The following CAST variants were observed in gnomAD, a reference collection of about 807,000 sequenced individuals.
The protein encoded by CAST is calpastatin, also known as MIR583 host.
In CAST, 76 loss-of-function variants were observed where a neutral mutation model predicts 119.6. The observed-to-expected ratio is 0.64, with a 90% CI of 0.53 to 0.77. The LOEUF (loss-of-function observed/expected upper bound fraction) is 0.77. Ranked by LOEUF, CAST falls within the 30% of genes least tolerant of loss-of-function variation. The probability of loss-of-function intolerance (pLI) is 0.00; values close to 1 mark genes in which losing one functional copy is unlikely to be tolerated. For synonymous variants in CAST, 319 were observed against 331.6 expected, an observed-to-expected ratio of 0.96 and a Z score of 0.41; for missense variants, 953 against 946.5, an observed-to-expected ratio of 1.01 and a Z score of -0.09.
chr5:96,675,917 C>T (rs1394847030), intron 2 of CAST: 1 of 237,160 alleles, frequency 4.2e-6, no homozygotes, highest in African/African-American at 2.2e-5. Context: ...GAAGGGAAAA[C>T]AGTTGCTGTA....
the CAST span, among the ~76,000 whole-genome samples, chr5:96,404,884 A>T: frequency 7.5e-5 from 11 of 146,134 alleles, no homozygotes; most frequent in Non-Finnish European, 1.6e-4. Context: ...ATTGTATATA[A>T]AGAGGCCAGC....
chr5:96,429,273 G>A, the CAST span: 1 of 1,604,064 alleles, frequency 6.2e-7, no homozygotes, highest in Non-Finnish European at 8.5e-7. Context: ...ACCTTCTGGG[G>A]TGGTTTTTAT....
chr5:96,186,182 A>AT, the CAST span, among the ~76,000 whole-genome samples: 1 of 152,116 alleles, frequency 6.6e-6, no homozygotes, highest in Non-Finnish European at 1.5e-5. Context: ...AATGTTAGTG[A>AT]TTTTTGCACA....
At chr5:96,740,659 A>G in intron 12 of CAST, 86 bp from the exon 13 acceptor site, 1 of 949,386 alleles carries the variant, frequency 1.1e-6, no homozygotes, top group Non-Finnish European at 1.7e-6. Context: ...GGGAGGCACA[A>G]TTCAACCCAC....
the CAST span, among the ~76,000 whole-genome samples, chr5:96,299,413 G>T: frequency 6.6e-6 from 1 of 152,164 alleles, no homozygotes; most frequent in Non-Finnish European, 1.5e-5. Context: ...CTTTAAAGTG[G>T]TTAGCCATGG....
the CAST span, among the ~76,000 whole-genome samples, chr5:96,435,858 C>T: frequency 1.2e-3 from 178 of 152,204 alleles, no homozygotes; most frequent in African/African-American, 4.2e-3. Flanking sequence ...TATAGATCAC[C>T]ATATCTCTTT....
At chr5:96,384,552 C>T in the CAST span, among the ~76,000 whole-genome samples, 1 of 152,124 alleles carries the variant, frequency 6.6e-6, no homozygotes, top group African/African-American at 2.4e-5. Flanking sequence ...CCTCACTGAC[C>T]ACAGTTGGCA....
chr5:96,037,104 C>T, the CAST span, among the ~76,000 whole-genome samples: 1 of 151,974 alleles, frequency 6.6e-6, no homozygotes, highest in Non-Finnish European at 1.5e-5. Context: ...GGCTTCTTTC[C>T]CCACAATCCC....
chr5:96,268,931 AGAGT>A, the CAST span, among the ~76,000 whole-genome samples: 1 of 152,110 alleles, frequency 6.6e-6, no homozygotes, highest in African/African-American at 2.4e-5. Flanking sequence ...TGTTCTCGTG[AGAGT>A]GAGTGAGTTC....
the CAST span, among the ~76,000 whole-genome samples, chr5:96,070,638 G>A: frequency 2.7e-5 from 4 of 149,654 alleles, no homozygotes; most frequent in African/African-American, 9.9e-5. Flanking sequence ...CTGTGGGACA[G>A]AAAGACAAAA....
the CAST span, among the ~76,000 whole-genome samples, chr5:96,151,274 A>C: frequency 6.6e-6 from 1 of 152,226 alleles, no homozygotes; most frequent in Non-Finnish European, 1.5e-5. Flanking sequence ...TTCTGTCTGC[A>C]CATACTGATT....
chr5:96,514,722 T>A, the CAST span, among the ~76,000 whole-genome samples: 1 of 152,132 alleles, frequency 6.6e-6, no homozygotes, highest in African/African-American at 2.4e-5. Context: ...TTGTGCTATT[T>A]CCTCTTGCTT....
At chr5:96,740,214 T>C (rs1371771849) in intron 12 of CAST, 96 bp downstream of exon 12, 8 of 650,320 alleles carry the variant, frequency 1.2e-5, no homozygotes, top group South Asian at 4.2e-5. Context: ...TTAGAAAATA[T>C]AATGGTGCTT....
At chr5:96,575,911 A>G (rs1321663331) in intron 1 of CAST, among the ~76,000 whole-genome samples, 1 of 152,108 alleles carries the variant, frequency 6.6e-6, no homozygotes, top group Non-Finnish European at 1.5e-5. Context: ...CCAAATTGCT[A>G]GGGATACTGC....
At chr5:96,745,230 C>T (rs57889668) in intron 16 of CAST, among the ~76,000 whole-genome samples, 41,147 of 152,004 alleles carry the variant, frequency 0.27, 6,120 homozygotes, top group East Asian at 0.39. Flanking sequence ...AAAAGAAAAC[C>T]ATGACTTCAT....
intron 12 of CAST, 25 bp from the exon 13 acceptor site, chr5:96,740,720 A>C (rs1004797786): frequency 6.3e-7 from 1 of 1,577,406 alleles, no homozygotes; most frequent in African/African-American, 1.3e-5. Flanking sequence ...CCTTCTCAAC[A>C]TCATCAAATT....
At chr5:96,618,061 C>A (rs1747505276) in intron 1 of CAST, among the ~76,000 whole-genome samples, 1 of 152,114 alleles carries the variant, frequency 6.6e-6, no homozygotes, top group Non-Finnish European at 1.5e-5. Flanking sequence ...GGGCCAGTGG[C>A]AGGAGCTTGG....
the CAST span, among the ~76,000 whole-genome samples, chr5:96,229,016 C>T: frequency 3.6e-4 from 54 of 151,750 alleles, no homozygotes; most frequent in South Asian, 0.011. Context: ...TTTAGAATAA[C>T]GATTTTATGT....
At chr5:96,439,176 A>G in the CAST span, among the ~76,000 whole-genome samples, 1 of 152,222 alleles carries the variant, frequency 6.6e-6, no homozygotes, top group Non-Finnish European at 1.5e-5. Flanking sequence ...CTTAGAGTGT[A>G]TCTATTTGTT....
Sources: gnomAD v4.1 joint callset for allele counts (sites outside exome capture counted in the v4.1 genomes callset) on GRCh38, gnomAD v4.1.1 for gene constraint, MANE v1.5 for transcripts, NCBI Gene and HGNC (gene_info 2026-07-23, HGNC 2026-07-21) for gene names.